KIAA1958: variants seen among roughly 807,000 people sequenced by gnomAD.
KIAA1958 encodes KIAA1958.
KIAA1958 carries 14 observed loss-of-function variants against 47.2 expected under a neutral mutation model. The observed-to-expected ratio is 0.30, with a 90% CI of 0.20 to 0.46. KIAA1958 has a LOEUF of 0.46. Ranked by LOEUF, KIAA1958 falls within the 20% of genes least tolerant of loss-of-function variation. The pLI, the probability that KIAA1958 is intolerant of heterozygous loss-of-function variation, is 1.00. For synonymous variants in KIAA1958, 354 were observed against 353.3 expected (o/e 1.00, Z -0.02); for missense variants, 803 against 909.2 (o/e 0.88, Z 1.50).
intron 1 of KIAA1958, among the ~76,000 whole-genome samples, chr9:112,489,490 CTGAT>C (rs1054636441): frequency 7.1e-6 from 1 of 140,566 alleles, no homozygotes; most frequent in Non-Finnish European, 1.6e-5. Context: ...TTTTTTTTGA[CTGAT>C]AGGTAGATAA....
intron 1 of KIAA1958, among the ~76,000 whole-genome samples, chr9:112,553,236 A>C (rs1273053098): frequency 2.0e-5 from 3 of 148,932 alleles, no homozygotes; most frequent in Non-Finnish European, 4.4e-5. Flanking sequence ...CCCAGGCCAG[A>C]GTGCAGTGGT....
At chr9:112,607,565 C>T (rs1013730146) in intron 2 of KIAA1958, among the ~76,000 whole-genome samples, 1 of 151,928 alleles carries the variant, frequency 6.6e-6, no homozygotes. Context: ...TATACACTTG[C>T]CAACTTTGAG....
chr9:112,620,450 T>A (rs1836483630), intron 2 of KIAA1958, among the ~76,000 whole-genome samples: 1 of 152,194 alleles, frequency 6.6e-6, no homozygotes, highest in South Asian at 2.1e-4. Context: ...TGCTAAATCA[T>A]CACAGAGCTG....
intron 1 of KIAA1958, among the ~76,000 whole-genome samples, chr9:112,533,065 A>C (rs1230092427): frequency 5.3e-5 from 8 of 152,068 alleles, no homozygotes; most frequent in African/African-American, 1.9e-4. Flanking sequence ...CCTCCCCCCA[A>C]ATTTAAGTAT....
chr9:112,660,153 G>C lies in KIAA1958; in HGVS notation c.*84G>C, dbSNP rs904506676. On this transcript the variant is annotated 3_prime_UTR_variant, in exon 4 of 4. Transcript: ENST00000337530. ...CAGCTGGAGCTCCTTGGAGGCAGGGGCTGACCAGGTGTGACCTCCCGGTCT... is the reference window on the plus strand; with the variant it reads ...CAGCTGGAGCTCCTTGGAGGCAGGGCCTGACCAGGTGTGACCTCCCGGTCT... 1 of 1,278,830 alleles carries C rather than the reference G, an allele frequency of 7.8e-7. No individual in the cohort carries two copies. Among genetic ancestry groups the C allele is most frequent in the Admixed American group, 1.9e-5 (1 of 54,048 alleles). The allele number at this position is 1,278,830 out of a possible 1,614,324, so 79.2% of individuals were successfully genotyped here.
intron 1 of KIAA1958, among the ~76,000 whole-genome samples, chr9:112,500,133 G>A (rs986761943): frequency 1.3e-4 from 19 of 151,948 alleles, no homozygotes; most frequent in Admixed American, 2.6e-4. Context: ...ACAGTGTCTC[G>A]CTCTGTCGCC....
intron 2 of KIAA1958, among the ~76,000 whole-genome samples, chr9:112,588,863 C>T (rs571453488): frequency 1.3e-5 from 2 of 152,076 alleles, no homozygotes; most frequent in South Asian, 4.2e-4. Context: ...TGGTGGAATC[C>T]ATCAATAATT....
chr9:112,539,685 T>A (rs1046174481), intron 1 of KIAA1958, among the ~76,000 whole-genome samples: 1 of 151,372 alleles, frequency 6.6e-6, no homozygotes, highest in African/African-American at 2.4e-5. Flanking sequence ...TATATATATT[T>A]TTTTTGCGGG....
At chr9:112,531,187 G>A (rs1026894508) in intron 1 of KIAA1958, among the ~76,000 whole-genome samples, 1 of 152,124 alleles carries the variant, frequency 6.6e-6, no homozygotes, top group East Asian at 1.9e-4. Context: ...TTGGGAGTTC[G>A]AGACCAGCTT....
At chr9:112,526,548 G>A (rs1834658460) in intron 1 of KIAA1958, among the ~76,000 whole-genome samples, 1 of 152,172 alleles carries the variant, frequency 6.6e-6, no homozygotes, top group Non-Finnish European at 1.5e-5. Context: ...GCCCAGCCGA[G>A]ACTGGGCACT....
At chr9:112,512,862 G>A (rs948049534) in intron 1 of KIAA1958, among the ~76,000 whole-genome samples, 14 of 152,078 alleles carry the variant, frequency 9.2e-5, no homozygotes, top group Non-Finnish European at 1.9e-4. Flanking sequence ...TTTTGAGACA[G>A]AGCCTCACTC....
intron 1 of KIAA1958, among the ~76,000 whole-genome samples, chr9:112,490,368 A>G (rs907194347): frequency 1.3e-5 from 2 of 152,244 alleles, no homozygotes; most frequent in South Asian, 2.1e-4. Flanking sequence ...TTCCTTTAAA[A>G]AAAGTTTCCA....
At chr9:112,549,387 G>A (rs929978634) in intron 1 of KIAA1958, among the ~76,000 whole-genome samples, 21 of 152,014 alleles carry the variant, frequency 1.4e-4, no homozygotes, top group African/African-American at 4.8e-4. Context: ...ACTTCCCTTA[G>A]CCTATTCTAG....
intron 2 of KIAA1958, among the ~76,000 whole-genome samples, chr9:112,604,915 TATATA>T (rs1836201116): frequency 6.8e-6 from 1 of 147,876 alleles, no homozygotes; most frequent in East Asian, 1.9e-4. Flanking sequence ...TTTTATATAC[TATATA>T]AATACATATT....
chr9:112,561,279 C>G (rs983266496), intron 1 of KIAA1958, among the ~76,000 whole-genome samples: 1 of 152,028 alleles, frequency 6.6e-6, no homozygotes, highest in Non-Finnish European at 1.5e-5. Flanking sequence ...TGGTCTCAGT[C>G]TCCTGACCTC....
In KIAA1958 at chr9:112,608,810, A is replaced by G. The variant is rs1020635993; in HGVS notation, c.1171+33559A>G. ...TCCCACCTGCTCAGGAGGCTGAGGC[A>G]GGAAGATTGCTTGAGCCCAGGAGTT... On this transcript the variant is annotated intron_variant, in intron 2 of 3. Coordinates refer to ENST00000337530, the MANE Select transcript of KIAA1958 (RefSeq NM_133465.4). 2.6e-5 allele frequency among the ~76,000 whole-genome samples: 4 copies of G among 151,854 alleles called. No homozygotes were observed. In the South Asian group the frequency reaches 6.3e-4, roughly 24 times the overall value.
chr9:112,633,862 AT>A (rs1386918510), intron 2 of KIAA1958, among the ~76,000 whole-genome samples: 5 of 152,194 alleles, frequency 3.3e-5, no homozygotes, highest in Non-Finnish European at 1.5e-5. Flanking sequence ...TTTTATATGC[AT>A]ACCATTGTTT....
rs576806205 is a variant in KIAA1958, at chr9:112,569,925, A to G, written c.-24-4132A>G. ...AGGTGTGAGCCACTGCACCTGGCCCAAATAAGCATTTATTAAGTGTTTTAC... is the reference window on the plus strand; with the variant it reads ...AGGTGTGAGCCACTGCACCTGGCCCGAATAAGCATTTATTAAGTGTTTTAC... On this transcript the variant is annotated intron_variant, in intron 1 of 3. Coordinates refer to ENST00000337530, the MANE Select transcript of KIAA1958 (RefSeq NM_133465.4). Among the ~76,000 whole-genome samples the G allele has an allele frequency of 3.9e-5, 6 of 152,298 alleles. No individual in the cohort carries two copies. The South Asian group carries it at 1.2e-3, about 32-fold the overall frequency.
chr9:112,556,857 G>A (rs1424131883), intron 1 of KIAA1958, among the ~76,000 whole-genome samples: 1 of 152,200 alleles, frequency 6.6e-6, no homozygotes, highest in South Asian at 2.1e-4. Flanking sequence ...GGGTAGTGGG[G>A]CAGGGAGACA....
Sources: gnomAD v4.1 joint callset for allele counts (sites outside exome capture counted in the v4.1 genomes callset) on GRCh38, gnomAD v4.1.1 for gene constraint, MANE v1.5 for transcripts, NCBI Gene and HGNC (gene_info 2026-07-23, HGNC 2026-07-21) for gene names.